Variants in ZSCAN32 observed in about 807,000 individuals in gnomAD.
ZSCAN32 encodes zinc finger and SCAN domain containing 32, also known as zinc finger and SCAN domain-containing protein 32.
A neutral mutation model predicts 47.4 loss-of-function variants in ZSCAN32; 52 were observed. That is an observed-to-expected ratio of 1.10 (90% CI 0.88 to 1.38). The LOEUF is 1.38. Among genes scored for constraint, ZSCAN32 ranks in the 40% most tolerant of loss-of-function variants. ZSCAN32 has a pLI of 0.00. For synonymous variants in ZSCAN32, 346 were observed against 305.7 expected, an observed-to-expected ratio of 1.13 and a Z score of -1.38; for missense variants, 959 against 846.0, an observed-to-expected ratio of 1.13 and a Z score of -1.66.
chr16:3,397,128 C>T (rs1024500039), intron 2 of ZSCAN32, 64 bp downstream of exon 2: 1 of 1,466,914 alleles, frequency 6.8e-7, no homozygotes, highest in Non-Finnish European at 9.0e-7. Flanking sequence ...AGCACCTCTC[C>T]AGTAACTGGA....
At chr16:3,386,549 C>T (rs1365773983) in intron 5 of ZSCAN32, among the ~76,000 whole-genome samples, 2 of 152,108 alleles carry the variant, frequency 1.3e-5, no homozygotes, top group Non-Finnish European at 2.9e-5. Context: ...GCCAAATGTC[C>T]AACAATGATA....
At chr16:3,389,881 T>C in intron 5 of ZSCAN32, 129 bp downstream of exon 5, 1 of 960,858 alleles carries the variant, frequency 1.0e-6, no homozygotes, top group Non-Finnish European at 1.5e-6. Context: ...TGGTTCCCCA[T>C]TTACTTCCTC....
intron 5 of ZSCAN32, among the ~76,000 whole-genome samples, chr16:3,389,482 C>G (rs1029196455): frequency 1.3e-5 from 2 of 152,176 alleles, no homozygotes; most frequent in Non-Finnish European, 2.9e-5. Flanking sequence ...TGGGACAGAA[C>G]TGATTTGAGA....
chr16:3,382,778 T>C lies in ZSCAN32; in HGVS notation c.*74A>G. 1 of 1,512,834 alleles carries C rather than the reference T, an allele frequency of 6.6e-7. No homozygotes were observed. Among genetic ancestry groups the C allele is most frequent in the South Asian group, 1.4e-5 (1 of 73,542 alleles). 93.7% of individuals were successfully genotyped at this position (1,512,834 alleles called of 1,614,324 possible). ...GTCTGTTGCAAAGTCAGGGACTGGC[T>C]AGATCTCTCCACAGCAGAAGAAAGC... On this transcript the variant is annotated 3_prime_UTR_variant, in exon 7 of 7. Coordinates refer to ENST00000396852, the MANE Select transcript of ZSCAN32 (RefSeq NM_001284527.2).
chr16:3,389,004 T>C (rs555308461), intron 5 of ZSCAN32, among the ~76,000 whole-genome samples: 3 of 152,356 alleles, frequency 2.0e-5, no homozygotes, highest in South Asian at 2.1e-4. Context: ...GTCATGTGAA[T>C]TTCACCTAAT....
chr16:3,397,256 T>A lies in ZSCAN32; in HGVS notation c.302A>T (p.His101Leu), dbSNP rs1375785409. 2.6e-6 allele frequency: 4 copies of A among 1,566,054 alleles called. No individual in the cohort carries two copies. The highest frequency in any genetic ancestry group is 3.5e-6 in the Non-Finnish European group (4 of 1,155,538). ...EEIQTWVREQ[H>L]PENGEEAVAL... ...CACAGCTTCCTCGCCGTTTTCTGGA[T>A]GCTGCTCCCTCACCCAGGTCTGGAT... Residue 101 changes from histidine to leucine, a missense_variant, in exon 2 of 7, where the codon CAT (histidine) becomes CTT (leucine). Coordinates refer to ENST00000396852, the MANE Select transcript of ZSCAN32 (RefSeq NM_001284527.2).
intron 5 of ZSCAN32, among the ~76,000 whole-genome samples, chr16:3,385,673 G>C (rs528041172): frequency 3.3e-5 from 5 of 152,156 alleles, no homozygotes; most frequent in Non-Finnish European, 5.9e-5. Flanking sequence ...TGACAAACCT[G>C]ACAAAAACAA....
chr16:3,383,780 T>C (rs1427972859), intron 6 of ZSCAN32, 69 bp from the exon 7 acceptor site: 2 of 1,456,274 alleles, frequency 1.4e-6, no homozygotes, highest in African/African-American at 1.4e-5. Context: ...TGCAAAGTTA[T>C]AACTATACTA....
chr16:3,400,805 G>A (rs986096129), intron 1 of ZSCAN32, 140 bp downstream of exon 1: 1 of 152,270 alleles, frequency 6.6e-6, no homozygotes, highest in Non-Finnish European at 1.5e-5. Flanking sequence ...CCGGCCTGAG[G>A]GAGGCTGCCT....
rs756109929 is a variant in ZSCAN32, at chr16:3,384,794, A to G, written c.899T>C (p.Leu300Pro). 6.2e-7 allele frequency: 1 copy of G among 1,614,228 alleles called. No individual in the cohort carries two copies. The highest frequency in any genetic ancestry group is 8.5e-7 in the Non-Finnish European group (1 of 1,180,028). ...GGTGCGACACTGTTCTGGGGTCCGC[A>G]GAAAACCCTGCTCCCAGAGTCCTTC... ...MAEGLWEQGFLRTPEQCRTKF... is the reference protein window; with the variant it reads ...MAEGLWEQGFPRTPEQCRTKF... Residue 300 changes from leucine to proline, a missense_variant, in exon 6 of 7, where the codon CTG becomes CCG. Leu to Pro is a moderately conservative substitution (Grantham distance 98, BLOSUM62 -3). Coordinates refer to ENST00000396852, the MANE Select transcript of ZSCAN32 (RefSeq NM_001284527.2).
At chr16:3,397,110 C>G (rs1324456714) in intron 2 of ZSCAN32, 82 bp downstream of exon 2, 3 of 1,453,492 alleles carry the variant, frequency 2.1e-6, no homozygotes, top group Admixed American at 5.5e-5. Context: ...CTGTGTGTTT[C>G]TCAACCAAGC....
In ZSCAN32 at chr16:3,384,677, G is replaced by C. The variant is rs1382564026; in HGVS notation, c.1016C>G (p.Ser339Ter). 3 of 1,614,194 alleles carry C rather than the reference G, an allele frequency of 1.9e-6. No homozygotes were observed. Among genetic ancestry groups the C allele is most frequent in the South Asian group, 2.2e-5 (2 of 91,088 alleles). The change falls in exon 6 of 7, where the codon TCA becomes TGA. Residue 339 changes from serine to a stop codon, truncating the protein, a stop_gained. Transcript: ENST00000396852. LOFTEE classifies it high-confidence loss of function. ...AGGAGGTGCAGAGGCCCAGGAGCCT[G>C]AAAGAGCATTCATTTCCTCATAAAA... ...CIFYEEMNAL[S>*]GSWASAPPMA...
In ZSCAN32 at chr16:3,397,520, G is replaced by A. The variant is rs1169137921; in HGVS notation, c.38C>T (p.Ser13Phe). Residue 13 changes from serine to phenylalanine, a missense_variant, in exon 2 of 7, where the codon TCC (serine) becomes TTC (phenylalanine). Coordinates refer to ENST00000396852, the MANE Select transcript of ZSCAN32 (RefSeq NM_001284527.2). ...GCCCTGTGTGGGATCCTTGTTTGAG[G>A]ATGGGTGTGCCTCGGTACTCTTCAC... ...AAVKSTEAHPSSNKDPTQGQK... is the reference protein window; with the variant it reads ...AAVKSTEAHPFSNKDPTQGQK... The A allele has an allele frequency of 6.5e-7, 1 of 1,549,588 alleles. No homozygotes were observed. Among genetic ancestry groups the A allele is most frequent in the Admixed American group, 2.0e-5 (1 of 50,948 alleles).
In ZSCAN32 at chr16:3,397,423, G is replaced by A. The variant is rs780211063; in HGVS notation, c.135C>T (p.Tyr45=). 2.9e-5 allele frequency: 45 copies of A among 1,551,832 alleles called. No individual in the cohort carries two copies. Among genetic ancestry groups the A allele is most frequent in the Admixed American group, 5.9e-5 (3 of 51,048 alleles). Residue 45 remains tyrosine (Y), a synonymous_variant, in exon 2 of 7, where the codon TAC becomes TAT. Coordinates refer to ENST00000396852, the MANE Select transcript of ZSCAN32 (RefSeq NM_001284527.2). The stretch of plus-strand genomic sequence containing the variant: ...CTTCATGTGGGCCAGTTACCTCCTG[G>A]TAGCAAAACTGCCTGAAGCGCTGAC... ...ASRQRFRQFC[Y]QEVTGPHEAF... is the part of the protein sequence containing the mutation.
chr16:3,386,242 T>C (rs1007282090), intron 5 of ZSCAN32, among the ~76,000 whole-genome samples: 1 of 152,180 alleles, frequency 6.6e-6, no homozygotes, highest in African/African-American at 2.4e-5. Context: ...TACAATGAGA[T>C]ACCATCTCAC....
At chr16:3,391,640 C>T (rs998465410) in intron 3 of ZSCAN32, among the ~76,000 whole-genome samples, 2 of 147,980 alleles carry the variant, frequency 1.4e-5, no homozygotes, top group African/African-American at 5.0e-5. Context: ...CATCATGCCG[C>T]TACACTCCAG....
chr16:3,393,879 A>G lies in ZSCAN32; in HGVS notation c.367-65T>C, dbSNP rs1596224429. The G allele has an allele frequency of 4.4e-6, 6 of 1,361,004 alleles. No individual in the cohort carries two copies. The East Asian group carries it at 1.6e-4, about 36-fold the overall frequency. 84.3% of individuals were successfully genotyped at this position (1,361,004 alleles called of 1,614,324 possible). On this transcript the variant is annotated intron_variant, in intron 2 of 6. Coordinates refer to ENST00000396852, the MANE Select transcript of ZSCAN32 (RefSeq NM_001284527.2). Reference sequence around the variant, plus strand: ...CCTAAGCTGGACTTTACAACTCCTAAGAGTGGCATTAAAAAATGTGTAACA... The same window carrying G: ...CCTAAGCTGGACTTTACAACTCCTAGGAGTGGCATTAAAAAATGTGTAACA...
In ZSCAN32 at chr16:3,397,445, T is replaced by C; in HGVS notation, c.113A>G (p.Gln38Arg). ...CTGGTAGCAAAACTGCCTGAAGCGC[T>C]GACGGGAGGCCTCGGAGTCAGGGCT... ...GNSPDSEASRQRFRQFCYQEV... is the reference protein window; with the variant it reads ...GNSPDSEASRRRFRQFCYQEV... Residue 38 changes from glutamine to arginine, a missense_variant, in exon 2 of 7, where the codon CAG becomes CGG. Gln to Arg is a conservative substitution (Grantham distance 43, BLOSUM62 1). Transcript: ENST00000396852. 6.4e-7 allele frequency: 1 copy of C among 1,551,174 alleles called. No homozygotes were observed. Among genetic ancestry groups the C allele is most frequent in the Non-Finnish European group, 8.7e-7 (1 of 1,147,328 alleles).
At chr16:3,393,205 T>A (rs1278543888) in intron 3 of ZSCAN32, among the ~76,000 whole-genome samples, 1 of 17,736 alleles carries the variant, frequency 5.6e-5, no homozygotes. Context: ...TATATATTTA[T>A]ATTTATATAT....
Sources: gnomAD v4.1 joint callset for allele counts (sites outside exome capture counted in the v4.1 genomes callset) on GRCh38, gnomAD v4.1.1 for gene constraint, MANE v1.5 for transcripts, NCBI Gene and HGNC (gene_info 2026-07-23, HGNC 2026-07-21) for gene names.